CPQ: variants seen among roughly 807,000 people sequenced by gnomAD.
CPQ encodes the protein Ser-Met dipeptidase.
A neutral mutation model predicts 45.7 loss-of-function variants in CPQ; 37 were observed. The ratio of observed to expected loss-of-function variants is 0.81; its 90% CI spans 0.62 to 1.07. The LOEUF is 1.07. CPQ is among the 50% of genes least tolerant of loss of function. CPQ has a pLI of 0.00. For synonymous variants in CPQ, 186 were observed against 205.8 expected (o/e 0.90, Z 0.82); for missense variants, 537 against 572.9 (o/e 0.94, Z 0.64).
Position 97,143,361 on chromosome 8 carries a change from G to C in CPQ, c.*178G>C, listed in dbSNP as rs1812200056. ...CCAAATTCTCTGATTCTAGAAAAAG[G>C]AATCATTCTCCCCTCCCTCCCACCA... On this transcript the variant is annotated 3_prime_UTR_variant, in exon 8 of 8. Transcript: ENST00000220763. The C allele has an allele frequency of 3.3e-6, 2 of 609,836 alleles. No individual in the cohort carries two copies. Among genetic ancestry groups the C allele is most frequent in the Admixed American group, 3.2e-5 (1 of 31,062 alleles). 37.8% of individuals were successfully genotyped at this position (609,836 alleles called of 1,614,324 possible). A position where few individuals can be genotyped will look rare whatever the true frequency, so the allele number is the denominator to read the frequency against.
chr8:96,738,333 C>G (rs766246381), intron 1 of CPQ, among the ~76,000 whole-genome samples: 2 of 151,792 alleles, frequency 1.3e-5, no homozygotes, highest in Non-Finnish European at 2.9e-5. Flanking sequence ...GTGGATTTGT[C>G]CATTTCTCTG....
At chr8:96,999,909 G>T (rs1376441493) in intron 5 of CPQ, among the ~76,000 whole-genome samples, 6 of 151,426 alleles carry the variant, frequency 4.0e-5, no homozygotes, top group Non-Finnish European at 1.5e-5. Context: ...TGTTATTTTT[G>T]ACTTTTTAAT....
At chr8:96,860,240 T>C (rs943151937) in intron 3 of CPQ, among the ~76,000 whole-genome samples, 1 of 152,162 alleles carries the variant, frequency 6.6e-6, no homozygotes, top group African/African-American at 2.4e-5. Flanking sequence ...TTAACACATT[T>C]TCTAAGACAC....
intron 1 of CPQ, among the ~76,000 whole-genome samples, chr8:96,683,331 T>C (rs1056603383): frequency 1.3e-5 from 2 of 152,208 alleles, no homozygotes; most frequent in African/African-American, 4.8e-5. Context: ...ACTTTGAATA[T>C]ATCATTCCAT....
chr8:96,915,015 A>T (rs11991731), intron 4 of CPQ, among the ~76,000 whole-genome samples: 10,852 of 152,194 alleles, frequency 0.071, 716 homozygotes, highest in African/African-American at 0.18. Flanking sequence ...ATCATAAAAG[A>T]TGGATTGTGA....
chr8:96,928,921 A>G (rs1812931627), intron 4 of CPQ, among the ~76,000 whole-genome samples: 1 of 152,232 alleles, frequency 6.6e-6, no homozygotes, highest in Admixed American at 6.5e-5. Flanking sequence ...GAGTCTGAAC[A>G]CAAACCCCAA....
At chr8:96,894,314 A>G (rs1286266670) in intron 4 of CPQ, among the ~76,000 whole-genome samples, 1 of 152,202 alleles carries the variant, frequency 6.6e-6, no homozygotes, top group East Asian at 1.9e-4. Context: ...TAAGCCACTA[A>G]GTTTTGGGGT....
intron 2 of CPQ, among the ~76,000 whole-genome samples, chr8:96,817,593 C>T (rs1222897689): frequency 2.6e-5 from 4 of 151,462 alleles, no homozygotes; most frequent in African/African-American, 7.3e-5. Flanking sequence ...TTATCACTCA[C>T]GTGTTCGCTG....
At chr8:96,846,449 A>T (rs1186366261) in intron 3 of CPQ, among the ~76,000 whole-genome samples, 2 of 152,174 alleles carry the variant, frequency 1.3e-5, no homozygotes, top group East Asian at 3.8e-4. Context: ...TGTGTCATAG[A>T]GTCTTTTCTT....
intron 1 of CPQ, among the ~76,000 whole-genome samples, chr8:96,738,565 T>C (rs144693670): frequency 0.042 from 6,437 of 152,214 alleles, 179 homozygotes; most frequent in Middle Eastern, 0.1. Context: ...ACCCACAAAC[T>C]TGTCATCTAG....
At chr8:96,996,715 C>T (rs1349853920) in intron 5 of CPQ, among the ~76,000 whole-genome samples, 4 of 152,028 alleles carry the variant, frequency 2.6e-5, no homozygotes, top group Middle Eastern at 3.4e-3. Context: ...GTTGCTTGTG[C>T]TTATATATGC....
At chr8:96,889,226 G>A (rs1386871664) in intron 4 of CPQ, among the ~76,000 whole-genome samples, 2 of 152,176 alleles carry the variant, frequency 1.3e-5, no homozygotes, top group African/African-American at 4.8e-5. Context: ...GCTTACTCTG[G>A]CCACTGCATA....
At chr8:96,938,152 C>T (rs898555498) in intron 4 of CPQ, among the ~76,000 whole-genome samples, 3 of 152,140 alleles carry the variant, frequency 2.0e-5, no homozygotes, top group African/African-American at 7.2e-5. Context: ...TCTTGTGTAT[C>T]TTTTTAGTCC....
chr8:96,977,032 C>A (rs1440066157), intron 5 of CPQ, among the ~76,000 whole-genome samples: 1 of 152,068 alleles, frequency 6.6e-6, no homozygotes, highest in Non-Finnish European at 1.5e-5. Flanking sequence ...TTCTGCACAA[C>A]AAAAGAAATC....
chr8:96,735,797 A>G (rs1183049431), intron 1 of CPQ, among the ~76,000 whole-genome samples: 1 of 152,180 alleles, frequency 6.6e-6, no homozygotes, highest in East Asian at 1.9e-4. Context: ...CCAATTAGCC[A>G]GGGTATTCTT....
intron 1 of CPQ, among the ~76,000 whole-genome samples, chr8:96,712,080 A>T (rs1221833949): frequency 6.6e-6 from 1 of 152,126 alleles, no homozygotes; most frequent in Non-Finnish European, 1.5e-5. Context: ...CAAGTCTGAA[A>T]TCTAATAGGG....
intron 5 of CPQ, among the ~76,000 whole-genome samples, chr8:97,001,811 C>T (rs1238748044): frequency 7.2e-6 from 1 of 138,538 alleles, no homozygotes; most frequent in East Asian, 2.2e-4. Flanking sequence ...AGTAGTCCCT[C>T]TTCAATTTTT....
At chr8:97,011,457 T>C (rs1240423360) in intron 5 of CPQ, among the ~76,000 whole-genome samples, 1 of 152,188 alleles carries the variant, frequency 6.6e-6, no homozygotes, top group African/African-American at 2.4e-5. Flanking sequence ...AGTTGAGATT[T>C]TTCACCTAAA....
At chr8:96,923,374 G>T (rs921632969) in intron 4 of CPQ, among the ~76,000 whole-genome samples, 2 of 152,078 alleles carry the variant, frequency 1.3e-5, no homozygotes, top group Admixed American at 1.3e-4. Flanking sequence ...TCCTACACTG[G>T]CATATCTTTC....
Sources: allele counts gnomAD v4.1 joint callset (sites outside exome capture counted in the v4.1 genomes callset), GRCh38; gene constraint gnomAD v4.1.1; transcripts MANE v1.5; gene names NCBI Gene and HGNC (gene_info 2026-07-23, HGNC 2026-07-21).